LRMDA: variants seen among roughly 807,000 people sequenced by gnomAD.
LRMDA encodes the protein leucine rich melanocyte differentiation associated.
LRMDA carries 18 observed loss-of-function variants against 29.8 expected under a neutral mutation model. That is an observed-to-expected ratio of 0.60 (90% confidence interval 0.42 to 0.90). The LOEUF (loss-of-function observed/expected upper bound fraction) is 0.90. Ranked by LOEUF, LRMDA falls within the 40% of genes least tolerant of loss-of-function variation. The pLI, the probability that LRMDA is intolerant of heterozygous loss-of-function variation, is 0.00. For missense variants in LRMDA, 273 were observed against 273.9 expected, an observed-to-expected ratio of 1.00 and a Z score of 0.02; for synonymous variants, 125 against 109.4, an observed-to-expected ratio of 1.14 and a Z score of -0.89.
chr10:75,884,885 C>T lies in LRMDA; in HGVS notation c.132-151123C>T, dbSNP rs188972194. 5.3e-5 allele frequency among the ~76,000 whole-genome samples: 8 copies of T among 151,678 alleles called. No homozygotes were observed. The South Asian group carries it at 6.4e-4, about 12-fold the overall frequency. On this transcript the variant is annotated intron_variant, in intron 2 of 6. Coordinates refer to ENST00000611255, the MANE Select transcript of LRMDA (RefSeq NM_001305581.2). Reference sequence around the variant, plus strand: ...GAGGACAGCAGTTGGGCAGGCCCAACGAAAAATCCAGTTTAGGAGGTCCGG... The same window carrying T: ...GAGGACAGCAGTTGGGCAGGCCCAATGAAAAATCCAGTTTAGGAGGTCCGG...
chr10:75,894,051 T>C (rs180786815), intron 2 of LRMDA, among the ~76,000 whole-genome samples: 26 of 152,294 alleles, frequency 1.7e-4, no homozygotes, highest in Non-Finnish European at 1.5e-5. Flanking sequence ...TTCCATAAGT[T>C]ATTGGGGGTA....
intron 2 of LRMDA, among the ~76,000 whole-genome samples, chr10:76,008,028 T>C (rs1209345825): frequency 1.3e-5 from 2 of 152,156 alleles, no homozygotes; most frequent in Non-Finnish European, 2.9e-5. Flanking sequence ...AAATCAATTT[T>C]AAGCAAGTGG....
At chr10:75,809,141 C>T (rs1236226683) in intron 2 of LRMDA, among the ~76,000 whole-genome samples, 3 of 152,190 alleles carry the variant, frequency 2.0e-5, no homozygotes, top group Admixed American at 6.5e-5. Context: ...TAGCCACCTC[C>T]CCAGAGCTGA....
At chr10:76,548,812 A>G (rs2132393368) in intron 6 of LRMDA, among the ~76,000 whole-genome samples, 1 of 152,332 alleles carries the variant, frequency 6.6e-6, no homozygotes, top group Non-Finnish European at 1.5e-5. Context: ...TCCAGGATTC[A>G]CATAATGGAA....
intron 5 of LRMDA, among the ~76,000 whole-genome samples, chr10:76,316,005 C>T (rs1840692728): frequency 6.6e-6 from 1 of 152,172 alleles, no homozygotes; most frequent in South Asian, 2.1e-4. Context: ...CCTTGCTCAC[C>T]TTCCAGTTGT....
chr10:75,546,828 A>C (rs909883393), intron 2 of LRMDA, among the ~76,000 whole-genome samples: 1 of 152,214 alleles, frequency 6.6e-6, no homozygotes, highest in Non-Finnish European at 1.5e-5. Context: ...GAATCTCTAC[A>C]TTTTTAATAA....
At chr10:75,936,717 T>C (rs1295298223) in intron 2 of LRMDA, among the ~76,000 whole-genome samples, 1 of 152,144 alleles carries the variant, frequency 6.6e-6, no homozygotes, top group South Asian at 2.1e-4. Context: ...TGTCTTCACA[T>C]AGGGGCAAAC....
chr10:76,356,911 G>A (rs1163711769), intron 6 of LRMDA, among the ~76,000 whole-genome samples: 1 of 152,160 alleles, frequency 6.6e-6, no homozygotes, highest in African/African-American at 2.4e-5. Flanking sequence ...TATAAACAAT[G>A]ACTTTGGAAT....
intron 2 of LRMDA, among the ~76,000 whole-genome samples, chr10:75,875,489 A>C (rs975030454): frequency 1.3e-5 from 2 of 151,880 alleles, no homozygotes; most frequent in Admixed American, 1.3e-4. Flanking sequence ...GATGGAGTGC[A>C]ATGGCATGAT....
intron 5 of LRMDA, among the ~76,000 whole-genome samples, chr10:76,246,284 A>G (rs543590105): frequency 6.6e-5 from 10 of 152,028 alleles, no homozygotes; most frequent in Admixed American, 6.6e-4. Flanking sequence ...AGGAAATGAA[A>G]CTCAAAAAGC....
rs192162496 is a variant in LRMDA at position 75,583,540 on chromosome 10, C to T, written c.131+145046C>T. Among the ~76,000 whole-genome samples the T allele has an allele frequency of 2.5e-3, 379 of 152,240 alleles. 3 individuals are homozygous for T. Among genetic ancestry groups the T allele is most frequent in the Non-Finnish European group, 3.9e-3 (268 of 68,008 alleles). On this transcript the variant is annotated intron_variant, in intron 2 of 6. Transcript: ENST00000611255. ...AAGACGGTGCTAAACCATTAAAAAC[C>T]GTCCCCATGATCCAATCATGTCCTA...
At chr10:75,999,602 A>C (rs1847527608) in intron 2 of LRMDA, among the ~76,000 whole-genome samples, 1 of 152,216 alleles carries the variant, frequency 6.6e-6, no homozygotes, top group Non-Finnish European at 1.5e-5. Context: ...TTTCTTCTGT[A>C]GCTTGATTCC....
intron 6 of LRMDA, among the ~76,000 whole-genome samples, chr10:76,368,946 C>T (rs1841422883): frequency 6.6e-6 from 1 of 152,268 alleles, no homozygotes. Context: ...TGTCCGTTTG[C>T]ATGAAATGCC....
At chr10:75,888,629 T>C (rs1254645217) in intron 2 of LRMDA, among the ~76,000 whole-genome samples, 1 of 152,190 alleles carries the variant, frequency 6.6e-6, no homozygotes, top group Non-Finnish European at 1.5e-5. Flanking sequence ...AGGAAGCAAA[T>C]ATTAGGCTCG....
At chr10:75,668,922 A>G (rs879438634) in intron 2 of LRMDA, among the ~76,000 whole-genome samples, 6 of 152,152 alleles carry the variant, frequency 3.9e-5, no homozygotes, top group Non-Finnish European at 7.3e-5. Context: ...ATGAGGTTAG[A>G]GTCTGGTAGA....
intron 4 of LRMDA, among the ~76,000 whole-genome samples, chr10:76,051,662 C>T (rs1021514070): frequency 1.3e-5 from 2 of 152,170 alleles, no homozygotes; most frequent in Admixed American, 6.5e-5. Context: ...CTTTGAGCCA[C>T]GTAGAGTTCA....
At chr10:75,637,023 C>A (rs1338455854) in intron 2 of LRMDA, among the ~76,000 whole-genome samples, 2 of 152,178 alleles carry the variant, frequency 1.3e-5, no homozygotes, top group Non-Finnish European at 2.9e-5. Context: ...GACTCATTTA[C>A]TTTTCACATG....
At chr10:75,919,752 G>T (rs1331619191) in intron 2 of LRMDA, among the ~76,000 whole-genome samples, 1 of 152,132 alleles carries the variant, frequency 6.6e-6, no homozygotes, top group African/African-American at 2.4e-5. Context: ...GGAGATGTCT[G>T]CCTGGATTAG....
Position 76,232,300 on chromosome 10 carries a change from C to T in LRMDA, c.517-92101C>T, listed in dbSNP as rs79267504. 8.6e-5 allele frequency among the ~76,000 whole-genome samples: 13 copies of T among 151,922 alleles called. No individual in the cohort carries two copies. In the East Asian group the frequency reaches 2.5e-3, roughly 29 times the overall value. The stretch of plus-strand genomic sequence containing the variant: ...AAGGGAGTGAAAATTTTCCCTCTGC[C>T]CTCTGAGAGTTTGATAATTGAATCT... On this transcript the variant is annotated intron_variant, in intron 5 of 6. Transcript: ENST00000611255.
Sources: gnomAD v4.1 joint callset for allele counts (sites outside exome capture counted in the v4.1 genomes callset) on GRCh38, gnomAD v4.1.1 for gene constraint, MANE v1.5 for transcripts, NCBI Gene and HGNC (gene_info 2026-07-23, HGNC 2026-07-21) for gene names.